The following DLG2 variants were observed in gnomAD, a reference collection of about 807,000 sequenced individuals.
DLG2 encodes disks large homolog 2.
DLG2 carries 45 observed loss-of-function variants against 132.5 expected under a neutral mutation model. That is an observed-to-expected ratio of 0.34 (90% confidence interval 0.27 to 0.44). The LOEUF is 0.44. Among genes scored for constraint, DLG2 ranks in the 20% least tolerant of loss-of-function variants. The pLI, the probability that DLG2 is intolerant of heterozygous loss-of-function variation, is 1.00. For synonymous variants in DLG2, 424 were observed against 419.6 expected, an observed-to-expected ratio of 1.01 and a Z score of -0.13; for missense variants, 1,045 against 1,196.9, an observed-to-expected ratio of 0.87 and a Z score of 1.87.
At chr11:84,502,857 C>A (rs775215405) in intron 7 of DLG2, among the ~76,000 whole-genome samples, 2 of 151,986 alleles carry the variant, frequency 1.3e-5, no homozygotes, top group African/African-American at 4.8e-5. Flanking sequence ...AAACAAAAAT[C>A]AAAACTAATA....
chr11:84,379,555 T>C (rs2098742083), intron 7 of DLG2, among the ~76,000 whole-genome samples: 1 of 152,006 alleles, frequency 6.6e-6, no homozygotes, highest in South Asian at 2.1e-4. Flanking sequence ...AACAAAGTGA[T>C]TCAAGATGTA....
At chr11:85,121,656 G>A (rs919502948) in intron 5 of DLG2, among the ~76,000 whole-genome samples, 8 of 151,906 alleles carry the variant, frequency 5.3e-5, no homozygotes, top group Non-Finnish European at 1.0e-4. Flanking sequence ...GTGTATATAA[G>A]GAATTTTACC....
At chr11:84,937,171 A>G (rs2048850768) in intron 6 of DLG2, among the ~76,000 whole-genome samples, 1 of 152,122 alleles carries the variant, frequency 6.6e-6, no homozygotes, top group African/African-American at 2.4e-5. Context: ...CAATCCAATC[A>G]ATACCTATCT....
intron 6 of DLG2, among the ~76,000 whole-genome samples, chr11:84,605,998 T>C (rs776235849): frequency 2.0e-5 from 3 of 152,114 alleles, no homozygotes; most frequent in Non-Finnish European, 4.4e-5. Flanking sequence ...GCATTTCTTT[T>C]TCTCCTCTTA....
intron 3 of DLG2, among the ~76,000 whole-genome samples, chr11:85,536,053 C>A (rs1330832067): frequency 1.3e-5 from 2 of 151,248 alleles, no homozygotes; most frequent in Admixed American, 1.3e-4. Flanking sequence ...CCATCTCTAC[C>A]AAAAAATATA....
intron 6 of DLG2, among the ~76,000 whole-genome samples, chr11:85,025,765 C>G (rs1195969804): frequency 1.3e-5 from 2 of 151,960 alleles, no homozygotes; most frequent in African/African-American, 2.4e-5. Flanking sequence ...TAAACACTAT[C>G]TTAATTAAAC....
At chr11:84,754,124 A>G (rs534700486) in intron 6 of DLG2, among the ~76,000 whole-genome samples, 154 of 152,356 alleles carry the variant, frequency 1.0e-3, no homozygotes, top group African/African-American at 3.5e-3. Context: ...TTTGCTAAAT[A>G]GGAGGACAAA....
At chr11:85,046,840 T>C (rs1196988321) in intron 6 of DLG2, among the ~76,000 whole-genome samples, 1 of 151,910 alleles carries the variant, frequency 6.6e-6, no homozygotes, top group East Asian at 1.9e-4. Flanking sequence ...ATCCTGTATA[T>C]GTAATACCCA....
At chr11:83,560,272 C>G (rs2096589376) in intron 19 of DLG2, among the ~76,000 whole-genome samples, 1 of 152,082 alleles carries the variant, frequency 6.6e-6, no homozygotes, top group South Asian at 2.1e-4. Flanking sequence ...TGTGCACCAC[C>G]ATGCCCAGCT....
At chr11:83,603,729 T>C (rs1408440581) in intron 19 of DLG2, among the ~76,000 whole-genome samples, 1 of 152,192 alleles carries the variant, frequency 6.6e-6, no homozygotes, top group Non-Finnish European at 1.5e-5. Flanking sequence ...ATTCCTTGAT[T>C]ATCAATGATT....
At chr11:83,463,343 C>T (rs1233489776) in intron 26 of DLG2, among the ~76,000 whole-genome samples, 1 of 151,856 alleles carries the variant, frequency 6.6e-6, no homozygotes. Context: ...TTGCTAAACT[C>T]ATCTTGTCCT....
At chr11:84,448,938 T>A (rs1028556290) in intron 7 of DLG2, among the ~76,000 whole-genome samples, 1 of 151,964 alleles carries the variant, frequency 6.6e-6, no homozygotes, top group African/African-American at 2.4e-5. Context: ...ATCACTTGAA[T>A]ACAACAGCTT....
intron 7 of DLG2, among the ~76,000 whole-genome samples, chr11:84,473,481 C>T (rs965992540): frequency 2.0e-5 from 3 of 151,982 alleles, no homozygotes; most frequent in South Asian, 2.1e-4. Flanking sequence ...CTCTAAACTA[C>T]TATCTTGATG....
rs1181993623 is a variant in DLG2, at chr11:84,600,159, G to GGAAAGAAAGAAAGAAA, written c.358-65444_358-65429dup. ...AAGAAAGAAGGAAAGAAAGAAAGAA[G>GGAAAGAAAGAAAGAAA]GAAAGAAAGAAAGAAAGAAAGAAAG... On this transcript the variant is annotated intron_variant, in intron 6 of 27. Transcript: ENST00000376104. Among the ~76,000 whole-genome samples the GGAAAGAAAGAAAGAAA allele has an allele frequency of 2.4e-3, 228 of 96,140 alleles. 2 individuals are homozygous for GGAAAGAAAGAAAGAAA. Among genetic ancestry groups the GGAAAGAAAGAAAGAAA allele is most frequent in the East Asian group, 6.0e-3 (20 of 3,358 alleles). 63.1% of individuals were successfully genotyped at this position (96,140 alleles called of 152,430 possible). A position where few individuals can be genotyped will look rare whatever the true frequency, so the allele number is the denominator to read the frequency against.
chr11:85,192,608 A>G (rs1228787437), intron 4 of DLG2, among the ~76,000 whole-genome samples: 1 of 152,224 alleles, frequency 6.6e-6, no homozygotes, highest in Non-Finnish European at 1.5e-5. Flanking sequence ...TAGCTACCTT[A>G]AATTCTTCAT....
chr11:83,921,407 C>T (rs2077872810), intron 15 of DLG2, among the ~76,000 whole-genome samples: 1 of 152,148 alleles, frequency 6.6e-6, no homozygotes. Context: ...CTCATTGTTT[C>T]CATTTGTTTC....
intron 6 of DLG2, among the ~76,000 whole-genome samples, chr11:84,982,633 GA>G (rs565247739): frequency 3.5e-4 from 53 of 152,154 alleles, no homozygotes; most frequent in Non-Finnish European, 6.3e-4. Context: ...AACACAGCCA[GA>G]AAATATATTT....
intron 3 of DLG2, among the ~76,000 whole-genome samples, chr11:85,536,037 G>A (rs1363983557): frequency 2.0e-5 from 3 of 151,836 alleles, no homozygotes; most frequent in East Asian, 1.9e-4. Context: ...GCAACATGGT[G>A]AAACCCCATC....
intron 12 of DLG2, among the ~76,000 whole-genome samples, chr11:83,977,687 A>G (rs1457577062): frequency 6.6e-6 from 1 of 152,098 alleles, no homozygotes; most frequent in Non-Finnish European, 1.5e-5. Flanking sequence ...GGTTATTTCT[A>G]GTTCTTAACA....
Sources: allele counts gnomAD v4.1 joint callset (sites outside exome capture counted in the v4.1 genomes callset), GRCh38; gene constraint gnomAD v4.1.1; transcripts MANE v1.5; gene names NCBI Gene and HGNC (gene_info 2026-07-23, HGNC 2026-07-21).